Variants in PIK3CD observed in about 807,000 individuals in gnomAD.
The protein encoded by PIK3CD is phosphatidylinositol-4,5-bisphosphate 3-kinase catalytic subunit delta.
Under a neutral mutation model 122.9 loss-of-function variants are expected in PIK3CD, and 20 were observed. The observed-to-expected ratio is 0.16, with a 90% CI of 0.11 to 0.24. PIK3CD has a LOEUF of 0.24. Among genes scored for constraint, PIK3CD ranks in the 10% least tolerant of loss-of-function variants. PIK3CD has a pLI of 1.00. For missense variants in PIK3CD, 787 were observed against 1,406.3 expected (o/e 0.56, Z 7.04); for synonymous variants, 596 against 593.4 (o/e 1.00, Z -0.06).
Position 9,721,146 on chromosome 1 carries a change from C to T in PIK3CD, c.1709C>T (p.Ser570Phe), listed in dbSNP as rs1302155596. Residue 570 changes from serine (S) to phenylalanine (F), a missense_variant, in exon 14 of 24, where the codon TCC becomes TTC. By Grantham distance (155) the Ser-to-Phe change is radical (BLOSUM62 -2). Coordinates refer to ENST00000377346, the MANE Select transcript of PIK3CD (RefSeq NM_005026.5). ...CCCCAGATGCTCTACCTGCTGTGCT[C>T]CTGGCCGGAGCTGCCCGTCCTGAGC... ...DVAQMLYLLC[S>F]WPELPVLSAL... The T allele has an allele frequency of 2.5e-6, 4 of 1,612,410 alleles. No individual in the cohort carries two copies. The highest frequency in any genetic ancestry group is 2.5e-6 in the Non-Finnish European group (3 of 1,179,960).
At chr1:9,647,739 C>T (rs931610897), upstream of PIK3CD, among the ~76,000 whole-genome samples, 2 of 152,042 alleles carry the variant, frequency 1.3e-5, no homozygotes, top group Admixed American at 6.6e-5. Flanking sequence ...CCTCTAGCCC[C>T]AGCCTCCCAA....
In PIK3CD at chr1:9,656,883, T is replaced by C. The variant is rs191462263; in HGVS notation, c.-138+5081T>C. Reference sequence around the variant, plus strand: ...ACTTGAACCCAGGAGGCAGAGGTTGTAGTGAGCTGAGATTGTGCCACTGCA... The same window carrying C: ...ACTTGAACCCAGGAGGCAGAGGTTGCAGTGAGCTGAGATTGTGCCACTGCA... On this transcript the variant is annotated intron_variant, in intron 1 of 23. Coordinates refer to ENST00000377346, the MANE Select transcript of PIK3CD (RefSeq NM_005026.5). Among the ~76,000 whole-genome samples the C allele has an allele frequency of 5.2e-4, 77 of 147,162 alleles. No individual in the cohort carries two copies. In the East Asian group the frequency reaches 0.015, roughly 29 times the overall value.
chr1:9,642,600 C>A, the PIK3CD span, among the ~76,000 whole-genome samples: 1 of 150,428 alleles, frequency 6.6e-6, no homozygotes, highest in African/African-American at 2.4e-5. Flanking sequence ...GCCTGTAGTC[C>A]CAGCTACTCA....
intron 2 of PIK3CD, among the ~76,000 whole-genome samples, chr1:9,698,306 C>T (rs1175093189): frequency 6.6e-6 from 1 of 152,096 alleles, no homozygotes; most frequent in Non-Finnish European, 1.5e-5. Context: ...CCACGCCCAA[C>T]TAATTTTGTG....
At position 9,716,552 on chromosome 1, in the gene PIK3CD, A is replaced by G; in HGVS notation, c.713A>G (p.Asp238Gly). The G allele has an allele frequency of 1.2e-6, 2 of 1,607,124 alleles. No individual in the cohort carries two copies. The highest frequency in any genetic ancestry group is 1.7e-6 in the Non-Finnish European group (2 of 1,178,116). ...CAGCCGCTGGTGGAGCAGCCGGAAG[A>G]CTACACGCTGCAGGTGAACGGCAGG... ...FRQPLVEQPEDYTLQVNGRHE... is the reference protein window; with the variant it reads ...FRQPLVEQPEGYTLQVNGRHE... Residue 238 changes from aspartate (D) to glycine (G), a missense_variant, in exon 6 of 24, where the codon GAC (aspartate) becomes GGC (glycine). This residue lies in a region of PIK3CD where 592 missense variants were observed against 920.6 expected (regional missense o/e 0.64). Coordinates refer to ENST00000377346, the MANE Select transcript of PIK3CD (RefSeq NM_005026.5).
Position 9,722,948 on chromosome 1 carries a change from C to T in PIK3CD, c.2427-177C>T, listed in dbSNP as rs888496985. Among the ~76,000 whole-genome samples, 3 of 152,212 alleles carry T rather than the reference C, an allele frequency of 2.0e-5. No individual in the cohort carries two copies. Among genetic ancestry groups the T allele is most frequent in the Admixed American group, 2.0e-4 (3 of 15,280 alleles). ...GAACTCAGCTGTGGTGCTTTCTGCACCTCAGATGCTGGTGCCGGCATCTCC... is the reference window on the plus strand; with the variant it reads ...GAACTCAGCTGTGGTGCTTTCTGCATCTCAGATGCTGGTGCCGGCATCTCC... On this transcript the variant is annotated intron_variant, in intron 19 of 23. Transcript: ENST00000377346. This position sits in a 1 kb window ranked among gnomAD's most constrained non-coding sequence, Gnocchi z 7.6.
chr1:9,653,664 C>T (rs1644748228), intron 1 of PIK3CD: 1 of 532,086 alleles, frequency 1.9e-6, no homozygotes, highest in Non-Finnish European at 3.2e-6. Context: ...GCGGAAGGTT[C>T]TTTTGGTTGA....
Position 9,721,806 on chromosome 1 carries a change from C to G in PIK3CD, c.2001C>G (p.Ile667Met), listed in dbSNP as rs763166445. 1 of 1,613,122 alleles carries G rather than the reference C, an allele frequency of 6.2e-7. No homozygotes were observed. The highest frequency in any genetic ancestry group is 1.1e-5 in the South Asian group (1 of 91,088). ...CGGTGGCCCTGCGCTTCGGCCTCAT[C>G]CTGGAGGCCTACTGCAGGGGCAGCA... ...VPSVALRFGL[I>M]LEAYCRGSTH... The change falls in exon 16 of 24, where the codon ATC (isoleucine) becomes ATG (methionine). Residue 667 changes from isoleucine (I) to methionine (M), a missense_variant. Transcript: ENST00000377346.
chr1:9,723,030 G>T lies in PIK3CD; in HGVS notation c.2427-95G>T. The T allele has an allele frequency of 8.0e-7, 1 of 1,247,640 alleles. No individual in the cohort carries two copies. The highest frequency in any genetic ancestry group is 1.2e-6 in the Non-Finnish European group (1 of 850,604). 77.3% of individuals were successfully genotyped at this position (1,247,640 alleles called of 1,614,324 possible). ...CAATGTGGGCAGCAGCATCTTCTGT[G>T]GCTTTTTGGGGCACCATGAGTTTCT... is the stretch of plus-strand genomic sequence containing the variant. On this transcript the variant is annotated intron_variant, in intron 19 of 23. Coordinates refer to ENST00000377346, the MANE Select transcript of PIK3CD (RefSeq NM_005026.5). The surrounding 1 kb of genome is among the most constrained non-coding windows in gnomAD (Gnocchi z 4.9).
At chr1:9,713,180 G>C (rs577535883) in intron 3 of PIK3CD, among the ~76,000 whole-genome samples, 1 of 151,888 alleles carries the variant, frequency 6.6e-6, no homozygotes, top group East Asian at 1.9e-4. Context: ...GCGAAACTCT[G>C]TCTCAAAAAA....
chr1:9,716,057 C>T lies in PIK3CD; in HGVS notation c.579C>T (p.Asn193=), dbSNP rs772893560. ...TCCCGAACCGGGCCCTTCTGGTCAACGTTAAGTTTGAGGGCAGCGAGGTGA... is the reference window on the plus strand; with the variant it reads ...TCCCGAACCGGGCCCTTCTGGTCAATGTTAAGTTTGAGGGCAGCGAGGTGA... The part of the protein sequence containing the change: ...LRLPNRALLV[N]VKFEGSEESF... Residue 193 remains asparagine (N), a synonymous_variant, in exon 5 of 24, where the codon AAC becomes AAT. Transcript: ENST00000377346. 2.5e-5 allele frequency: 40 copies of T among 1,612,466 alleles called. No individual in the cohort carries two copies. The highest frequency in any genetic ancestry group is 1.5e-4 in the Admixed American group (9 of 59,980).
intron 2 of PIK3CD, 166 bp downstream of exon 2, chr1:9,691,737 C>T (rs1324958290): frequency 2.6e-6 from 1 of 386,862 alleles, no homozygotes; most frequent in Non-Finnish European, 4.6e-6. Context: ...CAAATTGGTG[C>T]TAGGAGCGAA....
intron 1 of PIK3CD, among the ~76,000 whole-genome samples, chr1:9,688,842 T>C (rs1646073342): frequency 6.6e-6 from 1 of 151,476 alleles, no homozygotes; most frequent in East Asian, 1.9e-4. Context: ...ACAAAAACAC[T>C]GGAGCGCCCA....
At chr1:9,695,337 A>T (rs1248181753) in intron 2 of PIK3CD, among the ~76,000 whole-genome samples, 1 of 152,212 alleles carries the variant, frequency 6.6e-6, no homozygotes, top group South Asian at 2.1e-4. Context: ...AGTATGTAGG[A>T]AACAATTCTA....
chr1:9,637,507 C>T, the PIK3CD span, among the ~76,000 whole-genome samples: 8 of 152,104 alleles, frequency 5.3e-5, no homozygotes, highest in Non-Finnish European at 1.2e-4. Flanking sequence ...CAGAGCAAGA[C>T]CCTATCTTAA....
At position 9,723,050 on chromosome 1, in the gene PIK3CD, GT is replaced by G; in HGVS notation, c.2427-72del. 1 of 1,480,952 alleles carries G rather than the reference GT, an allele frequency of 6.8e-7. No homozygotes were observed. The highest frequency in any genetic ancestry group is 9.4e-7 in the Non-Finnish European group (1 of 1,061,418). The allele number at this position is 1,480,952 out of a possible 1,614,324, so 91.7% of individuals were successfully genotyped here. A position where few individuals can be genotyped will look rare whatever the true frequency, so the allele number is the denominator to read the frequency against. ...TCTGTGGCTTTTTGGGGCACCATGA[GT>G]TTCTGGGGCTCAAGTGGCCTCAGGG... On this transcript the variant is annotated intron_variant, in intron 19 of 23. Coordinates refer to ENST00000377346, the MANE Select transcript of PIK3CD (RefSeq NM_005026.5). This position sits in a 1 kb window ranked among gnomAD's most constrained non-coding sequence, Gnocchi z 4.9.
chr1:9,713,959 T>C (rs1339018365), intron 3 of PIK3CD, among the ~76,000 whole-genome samples: 1 of 150,428 alleles, frequency 6.6e-6, no homozygotes, highest in Non-Finnish European at 1.5e-5. Context: ...CTCAAATGAT[T>C]CCCCCATCTC....
intron 23 of PIK3CD, 140 bp from the exon 24 acceptor site, chr1:9,726,769 G>A: frequency 9.2e-7 from 1 of 1,092,246 alleles, no homozygotes; most frequent in African/African-American, 1.6e-5. Flanking sequence ...GGTGGGAGCG[G>A]AATAGAGAGC....
In PIK3CD at chr1:9,723,942, C is replaced by G; in HGVS notation, c.2595-27C>G. 6.2e-7 allele frequency: 1 copy of G among 1,611,666 alleles called. No individual in the cohort carries two copies. On this transcript the variant is annotated intron_variant, in intron 20 of 23. Coordinates refer to ENST00000377346, the MANE Select transcript of PIK3CD (RefSeq NM_005026.5). The surrounding 1 kb of genome is among the most constrained non-coding windows in gnomAD (Gnocchi z 4.9). The stretch of plus-strand genomic sequence containing the variant: ...TAGGCGGAGCTGCAAAATGGTATGG[C>G]CATGCTTTTTAATCTTCCCCACCCA...
Sources: allele counts gnomAD v4.1 joint callset (sites outside exome capture counted in the v4.1 genomes callset), GRCh38; gene constraint gnomAD v4.1.1; regional missense constraint gnomAD v4.1.1; non-coding constraint Gnocchi (gnomAD v3.1); transcripts MANE v1.5; gene names NCBI Gene and HGNC (gene_info 2026-07-23, HGNC 2026-07-21).